Variants in SNX29 observed in about 807,000 individuals in gnomAD.
SNX29 encodes sorting nexin 29.
Under a neutral mutation model 102.1 loss-of-function variants are expected in SNX29, and 78 were observed. The ratio of observed to expected loss-of-function variants is 0.76; its 90% CI spans 0.64 to 0.92. The LOEUF (loss-of-function observed/expected upper bound fraction) is 0.92. Among genes scored for constraint, SNX29 ranks in the 40% least tolerant of loss-of-function variants. The pLI is 0.00. For missense variants in SNX29, 1,280 were observed against 1,061.7 expected (o/e 1.21, Z -2.86); for synonymous variants, 580 against 414.5 (o/e 1.40, Z -4.85).
chr16:12,166,332 C>T (rs148160361), intron 13 of SNX29, among the ~76,000 whole-genome samples: 8 of 152,196 alleles, frequency 5.3e-5, no homozygotes, highest in Middle Eastern at 3.4e-3. Flanking sequence ...GAGCAGTGAG[C>T]GCTGGAAGCA....
At chr16:12,200,872 C>G (rs1320455291) in intron 14 of SNX29, among the ~76,000 whole-genome samples, 2 of 152,162 alleles carry the variant, frequency 1.3e-5, no homozygotes, top group African/African-American at 4.8e-5. Flanking sequence ...ACTATACGTA[C>G]CAGGACATCA....
At chr16:12,427,909 C>T (rs1397997272) in intron 18 of SNX29, among the ~76,000 whole-genome samples, 1 of 152,230 alleles carries the variant, frequency 6.6e-6, no homozygotes, top group East Asian at 1.9e-4. Context: ...TCAGACAAAG[C>T]ACTTAAACTC....
At chr16:12,455,376 A>G (rs963914545) in intron 18 of SNX29, among the ~76,000 whole-genome samples, 4 of 152,122 alleles carry the variant, frequency 2.6e-5, no homozygotes, top group African/African-American at 9.7e-5. Flanking sequence ...CTGGTCAGCC[A>G]CACACCAGGC....
chr16:12,255,157 A>G (rs2078532956), intron 14 of SNX29, among the ~76,000 whole-genome samples: 1 of 152,172 alleles, frequency 6.6e-6, no homozygotes, highest in Admixed American at 6.5e-5. Flanking sequence ...GAGACCATTT[A>G]GGATATAATC....
chr16:12,557,496 G>C (rs992038166), intron 20 of SNX29: 2 of 152,090 alleles, frequency 1.3e-5, no homozygotes, highest in Admixed American at 6.6e-5. Context: ...TAAGTAGCTG[G>C]GATTACAGGA....
chr16:12,191,630 G>A (rs1441484408), intron 13 of SNX29, among the ~76,000 whole-genome samples: 1 of 152,236 alleles, frequency 6.6e-6, no homozygotes, highest in Non-Finnish European at 1.5e-5. Flanking sequence ...GGCTAAAGGA[G>A]TTCTGATGCC....
intron 11 of SNX29, among the ~76,000 whole-genome samples, chr16:12,100,052 G>A (rs2052945855): frequency 6.6e-6 from 1 of 152,226 alleles, no homozygotes; most frequent in Non-Finnish European, 1.5e-5. Context: ...AAGGCTCAGC[G>A]ATGGAGGAAC....
At chr16:12,540,081 C>T (rs777021912) in intron 20 of SNX29, among the ~76,000 whole-genome samples, 3 of 152,164 alleles carry the variant, frequency 2.0e-5, no homozygotes, top group Non-Finnish European at 4.4e-5. Context: ...GTCATGTCTA[C>T]CAATTGTTAG....
At chr16:12,036,251 G>A (rs2057468704) in intron 4 of SNX29, among the ~76,000 whole-genome samples, 1 of 151,326 alleles carries the variant, frequency 6.6e-6, no homozygotes, top group Non-Finnish European at 1.5e-5. Context: ...CTTGTAGTTG[G>A]GTTTTCTGTT....
At chr16:11,978,375 C>T (rs1266939379) in intron 1 of SNX29, among the ~76,000 whole-genome samples, 1 of 152,234 alleles carries the variant, frequency 6.6e-6, no homozygotes, top group South Asian at 2.1e-4. Flanking sequence ...CCACATAAAC[C>T]TGTGTTATTT....
chr16:12,310,702 G>T (rs1408484252), intron 15 of SNX29, among the ~76,000 whole-genome samples: 13 of 152,214 alleles, frequency 8.5e-5, no homozygotes, highest in Non-Finnish European at 1.5e-5. Flanking sequence ...TGTGTCTTGT[G>T]ATGGGGGTTT....
intron 5 of SNX29, 44 bp from the exon 6 acceptor site, chr16:12,046,340 G>C: frequency 6.2e-7 from 1 of 1,601,476 alleles, no homozygotes; most frequent in Non-Finnish European, 8.5e-7. Context: ...TGGACACAGA[G>C]AACCACTGCT....
chr16:12,222,396 T>G (rs924598380), intron 14 of SNX29, among the ~76,000 whole-genome samples: 4 of 152,212 alleles, frequency 2.6e-5, no homozygotes, highest in Non-Finnish European at 5.9e-5. Context: ...ACAGTGGACA[T>G]GCATTGTTTT....
intron 20 of SNX29, chr16:12,527,311 A>C (rs1316098934): frequency 1.9e-6 from 1 of 531,850 alleles, no homozygotes; most frequent in South Asian, 1.5e-5. Flanking sequence ...AAGCAGCGAG[A>C]CTGCTGTCTC....
chr16:12,399,322 G>A (rs763317685), intron 17 of SNX29, among the ~76,000 whole-genome samples: 1 of 152,198 alleles, frequency 6.6e-6, no homozygotes, highest in Non-Finnish European at 1.5e-5. Context: ...AAAGTGCTGG[G>A]ATTACAGTTG....
intron 16 of SNX29, chr16:12,367,605 G>A (rs555375716): frequency 6.6e-5 from 10 of 152,318 alleles, no homozygotes; most frequent in East Asian, 1.9e-4. Flanking sequence ...TAAAACCTTC[G>A]GAGGGAGTGA....
At chr16:12,257,686 TA>T (rs1187610037) in intron 14 of SNX29, among the ~76,000 whole-genome samples, 5 of 115,296 alleles carry the variant, frequency 4.3e-5, no homozygotes, top group East Asian at 2.9e-4. Context: ...CCGGCTTATT[TA>T]AAATTTTTTT....
chr16:12,338,799 C>T (rs779428380), intron 15 of SNX29, among the ~76,000 whole-genome samples: 1 of 152,048 alleles, frequency 6.6e-6, no homozygotes, highest in African/African-American at 2.4e-5. Flanking sequence ...CACCCCCAGA[C>T]CCACCTTCCA....
intron 9 of SNX29, among the ~76,000 whole-genome samples, chr16:12,068,618 C>T (rs1279312386): frequency 2.0e-5 from 3 of 152,146 alleles, no homozygotes; most frequent in Non-Finnish European, 2.9e-5. Flanking sequence ...GATCTCGGCT[C>T]ACTGCAACCT....
Sources: gnomAD v4.1 joint callset for allele counts (sites outside exome capture counted in the v4.1 genomes callset) on GRCh38, gnomAD v4.1.1 for gene constraint, MANE v1.5 for transcripts, NCBI Gene and HGNC (gene_info 2026-07-23, HGNC 2026-07-21) for gene names.